Variants in NEK11 observed in about 807,000 individuals in gnomAD.
NEK11 encodes the protein NIMA related kinase 11.
Under a neutral mutation model 80.7 loss-of-function variants are expected in NEK11, and 72 were observed. That is an observed-to-expected ratio of 0.89 (90% CI 0.74 to 1.08). The LOEUF is 1.08. NEK11 is among the 50% of genes least tolerant of loss of function. NEK11 has a pLI of 0.00. For missense variants in NEK11, 764 were observed against 763.6 expected (o/e 1.00, Z -0.01); for synonymous variants, 251 against 260.7 (o/e 0.96, Z 0.36).
Position 131,067,368 on chromosome 3 carries a change from A to C in NEK11, c.171-13055A>C, listed in dbSNP as rs983408588. ...CATCAAAGTGCATTATTTCATATGTAAGTTGGAATTCTGTTTCTGAATGAA... is the reference window on the plus strand; with the variant it reads ...CATCAAAGTGCATTATTTCATATGTCAGTTGGAATTCTGTTTCTGAATGAA... On this transcript the variant is annotated intron_variant, in intron 3 of 17. Transcript: ENST00000383366. Among the ~76,000 whole-genome samples, 3 of 152,210 alleles carry C rather than the reference A, an allele frequency of 2.0e-5. No homozygotes were observed. The East Asian group carries it at 5.8e-4, about 29-fold the overall frequency.
chr3:131,027,233 A>G (rs2064002294), intron 1 of NEK11: 1 of 151,992 alleles, frequency 6.6e-6, no homozygotes, highest in South Asian at 2.1e-4. Context: ...AGAAGCAAGG[A>G]ATTGTTCGTT....
At chr3:131,300,972 A>G (rs189070275) in intron 17 of NEK11, among the ~76,000 whole-genome samples, 1 of 152,326 alleles carries the variant, frequency 6.6e-6, no homozygotes, top group African/African-American at 2.4e-5. Flanking sequence ...TTTGGGCAGT[A>G]TGACTGTTTT....
chr3:131,179,452 A>G lies in NEK11; in HGVS notation c.1399+8565A>G, dbSNP rs549946706. ...CACAACTCATAGTCATGACAAGGAC[A>G]CTTAGTCTGTATGCATGTGAGGAGT... On this transcript the variant is annotated intron_variant, in intron 14 of 17. Transcript: ENST00000383366. Among the ~76,000 whole-genome samples, 11 of 152,348 alleles carry G rather than the reference A, an allele frequency of 7.2e-5. No individual in the cohort carries two copies. In the South Asian group the frequency reaches 2.1e-3, roughly 29 times the overall value.
intron 3 of NEK11, among the ~76,000 whole-genome samples, chr3:131,055,345 T>C (rs1315366767): frequency 6.6e-6 from 1 of 152,172 alleles, no homozygotes; most frequent in Non-Finnish European, 1.5e-5. Context: ...AAACAAAGTC[T>C]CTGTTCTCAG....
At chr3:131,191,717 AAG>A (rs2093804566) in intron 14 of NEK11, among the ~76,000 whole-genome samples, 1 of 152,182 alleles carries the variant, frequency 6.6e-6, no homozygotes, top group Non-Finnish European at 1.5e-5. Flanking sequence ...AATGTTTAAA[AAG>A]AGAGTTAAGG....
Position 131,337,276 on chromosome 3 carries a change from T to C in NEK11, c.1719-12281T>C, listed in dbSNP as rs922130742. On this transcript the variant is annotated intron_variant, in intron 17 of 17. Coordinates refer to ENST00000383366, the MANE Select transcript of NEK11 (RefSeq NM_024800.5). ...GTGGCACATATACACCATGGAATAC[T>C]ATGCAGCCATAAAAAATGATGAGTT... Among the ~76,000 whole-genome samples the C allele has an allele frequency of 2.0e-4, 30 of 152,112 alleles. 1 individual carries two copies.
intron 16 of NEK11, among the ~76,000 whole-genome samples, chr3:131,245,132 A>G (rs1373483951): frequency 6.6e-6 from 1 of 151,922 alleles, no homozygotes; most frequent in African/African-American, 2.4e-5. Flanking sequence ...GTTACTCCAC[A>G]CTGTATATCC....
At chr3:131,118,552 A>C (rs1306188870) in intron 5 of NEK11, among the ~76,000 whole-genome samples, 1 of 152,194 alleles carries the variant, frequency 6.6e-6, no homozygotes, top group Non-Finnish European at 1.5e-5. Context: ...GAATGATACC[A>C]ATTCATGTTT....
At chr3:131,157,412 G>A (rs1379182516) in intron 10 of NEK11, among the ~76,000 whole-genome samples, 1 of 152,062 alleles carries the variant, frequency 6.6e-6, no homozygotes, top group Non-Finnish European at 1.5e-5. Context: ...TCTGGGCGGT[G>A]GGAAAAAGTT....
chr3:131,194,727 C>T (rs942071530), intron 14 of NEK11, among the ~76,000 whole-genome samples: 2 of 151,990 alleles, frequency 1.3e-5, no homozygotes, highest in Non-Finnish European at 2.9e-5. Flanking sequence ...ATATTTTCCC[C>T]TTTTATTTTT....
chr3:131,088,815 G>GT (rs1176659254), intron 4 of NEK11, among the ~76,000 whole-genome samples: 6 of 152,052 alleles, frequency 3.9e-5, no homozygotes, highest in Non-Finnish European at 7.4e-5. Context: ...TTAGAAGCTG[G>GT]TTTTTTTCTT....
intron 17 of NEK11, chr3:131,325,962 G>A (rs1254132753): frequency 6.6e-6 from 1 of 152,206 alleles, no homozygotes; most frequent in Non-Finnish European, 1.5e-5. Context: ...TCAGCTATGA[G>A]CTTTCAGGTG....
chr3:131,328,976 C>T (rs1354368532), intron 17 of NEK11: 1 of 152,216 alleles, frequency 6.6e-6, no homozygotes, highest in Non-Finnish European at 1.5e-5. Context: ...TCCAGCAGCT[C>T]TGGGCAGACT....
chr3:131,185,997 G>T (rs1170002479), intron 14 of NEK11, among the ~76,000 whole-genome samples: 1 of 152,114 alleles, frequency 6.6e-6, no homozygotes, highest in Non-Finnish European at 1.5e-5. Context: ...CCATTTTGCA[G>T]GGGTTTAGTG....
At chr3:131,165,278 C>T (rs1373294915) in intron 11 of NEK11, 148 bp from the exon 12 acceptor site, 2 of 595,148 alleles carry the variant, frequency 3.4e-6, no homozygotes, top group Non-Finnish European at 6.1e-6. Context: ...TGCTGCACCA[C>T]ATTCACCTTG....
At chr3:131,311,255 G>A (rs1348031447) in intron 17 of NEK11, among the ~76,000 whole-genome samples, 1 of 152,022 alleles carries the variant, frequency 6.6e-6, no homozygotes, top group Non-Finnish European at 1.5e-5. Context: ...TCTATGTGTT[G>A]GGAACATTTC....
chr3:131,139,481 G>T (rs546450324), intron 7 of NEK11, among the ~76,000 whole-genome samples: 1 of 152,022 alleles, frequency 6.6e-6, no homozygotes. Context: ...TTTATTAAAA[G>T]GAATAGTAAC....
chr3:131,066,597 G>A (rs1301900455), intron 3 of NEK11, among the ~76,000 whole-genome samples: 1 of 152,024 alleles, frequency 6.6e-6, no homozygotes, highest in Non-Finnish European at 1.5e-5. Flanking sequence ...ACTTTGAGAG[G>A]TCAAGGCGGG....
At chr3:131,203,502 C>G (rs2094322796) in intron 14 of NEK11, among the ~76,000 whole-genome samples, 1 of 150,352 alleles carries the variant, frequency 6.7e-6, no homozygotes, top group African/African-American at 2.4e-5. Flanking sequence ...ATGGGTGCAG[C>G]ACACCAACAT....
Sources: allele counts gnomAD v4.1 joint callset (sites outside exome capture counted in the v4.1 genomes callset), GRCh38; gene constraint gnomAD v4.1.1; transcripts MANE v1.5; gene names NCBI Gene and HGNC (gene_info 2026-07-23, HGNC 2026-07-21).